The following AKAP13 variants were observed in gnomAD, a reference collection of about 807,000 sequenced individuals.
AKAP13 encodes the protein A-kinase anchor protein 13.
In AKAP13, 80 loss-of-function variants were observed where a neutral mutation model predicts 264.5. The ratio of observed to expected loss-of-function variants is 0.30; its 90% confidence interval spans 0.25 to 0.36. AKAP13 has a LOEUF of 0.36. AKAP13 is among the 10% of genes least tolerant of loss of function. The pLI is 1.00. For missense variants in AKAP13, 3,712 were observed against 3,435.2 expected (o/e 1.08, Z -2.01); for synonymous variants, 1,380 against 1,250.2 (o/e 1.10, Z -2.19).
In AKAP13 at chr15:85,690,194, G is replaced by A. The variant is rs1299912548; in HGVS notation, c.5290-3083G>A. 2.0e-5 allele frequency: 3 copies of A among 152,372 alleles called. No individual in the cohort carries two copies. The East Asian group carries it at 5.8e-4, about 29-fold the overall frequency. The allele number at this position is 152,372 out of a possible 1,614,324, so 9.4% of individuals were successfully genotyped here. ...TTGTTTTGTTTTGTTTCCATCCTGG[G>A]AAGAACTAATTTGGATTGTTGCAAA... On this transcript the variant is annotated intron_variant, in intron 16 of 36. Coordinates refer to ENST00000394518, the MANE Select transcript of AKAP13 (RefSeq NM_007200.5).
chr15:85,575,310 A>G lies in AKAP13; in HGVS notation c.842A>G (p.Asn281Ser). Residue 281 changes from asparagine to serine, a missense_variant, in exon 6 of 37, where the codon AAC becomes AGC. This residue lies in a region of AKAP13 where 2,759 missense variants were observed against 2,411.7 expected (regional missense o/e 1.14). Coordinates refer to ENST00000394518, the MANE Select transcript of AKAP13 (RefSeq NM_007200.5). ...ACTGGACCAATTTTTAAACTTATGA[A>G]CATCCAACAGCAACTAATGGTAAGT... ...GCTGPIFKLM[N>S]IQQQLMKTNL... is the part of the protein sequence containing the mutation. 1.2e-6 allele frequency: 2 copies of G among 1,614,100 alleles called. No homozygotes were observed. Among genetic ancestry groups the G allele is most frequent in the Non-Finnish European group, 1.7e-6 (2 of 1,180,008 alleles).
intron 1 of AKAP13, among the ~76,000 whole-genome samples, chr15:85,422,830 A>G (rs779020767): frequency 2.6e-4 from 39 of 152,248 alleles, no homozygotes; most frequent in Non-Finnish European, 7.3e-5. Context: ...TTGCATGGCC[A>G]GTATAGAAGT....
At chr15:85,540,111 A>G (rs1048732503) in intron 4 of AKAP13, among the ~76,000 whole-genome samples, 2 of 152,150 alleles carry the variant, frequency 1.3e-5, no homozygotes, top group African/African-American at 2.4e-5. Context: ...GTGAGGGCTA[A>G]TAAGTCCAAA....
chr15:85,525,311 G>A (rs2076995778), intron 3 of AKAP13, among the ~76,000 whole-genome samples: 1 of 152,076 alleles, frequency 6.6e-6, no homozygotes, highest in African/African-American at 2.4e-5. Flanking sequence ...ACCTGCCTTG[G>A]CCTCCCAAAG....
At chr15:85,411,880 T>C (rs2071988318) in intron 1 of AKAP13, among the ~76,000 whole-genome samples, 1 of 152,230 alleles carries the variant, frequency 6.6e-6, no homozygotes, top group African/African-American at 2.4e-5. Flanking sequence ...GTGGAGTCTT[T>C]GTTGCCAGTG....
intron 13 of AKAP13, 82 bp downstream of exon 13, chr15:85,664,837 G>C (rs761150279): frequency 7.7e-7 from 1 of 1,307,034 alleles, no homozygotes; most frequent in Non-Finnish European, 1.0e-6. Context: ...GGTAGTATAA[G>C]GCTAGTAGCT....
At chr15:85,527,804 T>C (rs62023882) in intron 3 of AKAP13, among the ~76,000 whole-genome samples, 5,574 of 152,254 alleles carry the variant, frequency 0.037, 140 homozygotes, top group Non-Finnish European at 0.053. Context: ...AGACTGAAAA[T>C]TTGTTTCCTT....
At chr15:85,508,826 C>T (rs952675522) in intron 2 of AKAP13, among the ~76,000 whole-genome samples, 16 of 152,152 alleles carry the variant, frequency 1.1e-4, no homozygotes, top group African/African-American at 3.6e-4. Context: ...TTCCCTTGCA[C>T]TCGATATATT....
chr15:85,552,747 C>T (rs980367402), intron 5 of AKAP13, among the ~76,000 whole-genome samples: 2 of 151,408 alleles, frequency 1.3e-5, no homozygotes, highest in Non-Finnish European at 2.9e-5. Context: ...TTTGCCTCAG[C>T]CTCCTGAGTG....
At chr15:85,393,642 C>G (rs1239818849) in intron 1 of AKAP13, among the ~76,000 whole-genome samples, 1 of 152,152 alleles carries the variant, frequency 6.6e-6, no homozygotes, top group South Asian at 2.1e-4. Context: ...TCTCTTAATT[C>G]CTTACAGTAA....
chr15:85,723,130 T>A lies in AKAP13; in HGVS notation c.6555T>A (p.Ile2185=). The A allele has an allele frequency of 6.2e-7, 1 of 1,614,168 alleles. No individual in the cohort carries two copies. The highest frequency in any genetic ancestry group is 1.1e-5 in the South Asian group (1 of 91,084). ...AQSLSLVKDV[I]GAVDSKVASY... ...CCTTGAGCCTGGTGAAGGATGTGAT[T>A]GGAGCTGTAGACAGCAAAGTGGCAA... is the stretch of plus-strand genomic sequence containing the variant. The change falls in exon 26 of 37, where the codon ATT becomes ATA. Residue 2185 remains isoleucine (I), a synonymous_variant. Coordinates refer to ENST00000394518, the MANE Select transcript of AKAP13 (RefSeq NM_007200.5).
Position 85,639,405 on chromosome 15 carries a change from C to G in AKAP13, c.4193C>G (p.Pro1398Arg). 1 of 1,612,786 alleles carries G rather than the reference C, an allele frequency of 6.2e-7. No homozygotes were observed. Among genetic ancestry groups the G allele is most frequent in the African/African-American group, 1.3e-5 (1 of 75,008 alleles). Residue 1398 changes from proline to arginine, a missense_variant, in exon 9 of 37, where the codon CCA becomes CGA. Coordinates refer to ENST00000394518, the MANE Select transcript of AKAP13 (RefSeq NM_007200.5). ...CGAGAAAACTGGTGTACAATAGAGCCATGCCCTGATGCAGCATCTCTTCTG... is the reference window on the plus strand; with the variant it reads ...CGAGAAAACTGGTGTACAATAGAGCGATGCCCTGATGCAGCATCTCTTCTG... ...INRENWCTIE[P>R]CPDAASLLAS...
intron 2 of AKAP13, among the ~76,000 whole-genome samples, chr15:85,518,702 G>A (rs2076697716): frequency 6.6e-6 from 1 of 152,120 alleles, no homozygotes; most frequent in Non-Finnish European, 1.5e-5. Flanking sequence ...GGTGGCGCAT[G>A]CCTGTTGTCC....
At chr15:85,610,487 A>C (rs2080557693) in intron 8 of AKAP13, among the ~76,000 whole-genome samples, 2 of 152,224 alleles carry the variant, frequency 1.3e-5, no homozygotes, top group African/African-American at 4.8e-5. Flanking sequence ...GTCGTGATGC[A>C]TGGAACTCAC....
At chr15:85,551,004 C>T (rs1353776927) in intron 5 of AKAP13, among the ~76,000 whole-genome samples, 1 of 152,226 alleles carries the variant, frequency 6.6e-6, no homozygotes, top group East Asian at 1.9e-4. Flanking sequence ...GAGGCTAAAG[C>T]AGCTTGTCCA....
At chr15:85,688,739 C>T (rs2085087064) in intron 16 of AKAP13, among the ~76,000 whole-genome samples, 1 of 152,098 alleles carries the variant, frequency 6.6e-6, no homozygotes, top group Non-Finnish European at 1.5e-5. Flanking sequence ...AAATTGAGTC[C>T]TTGATCCTAT....
intron 1 of AKAP13, among the ~76,000 whole-genome samples, chr15:85,386,183 TG>T (rs1306375793): frequency 6.6e-6 from 1 of 151,884 alleles, no homozygotes; most frequent in African/African-American, 2.4e-5. Context: ...TGATATCCAG[TG>T]TTTTTTTGTT....
At chr15:85,628,144 A>G (rs2081519739) in intron 8 of AKAP13, among the ~76,000 whole-genome samples, 1 of 152,180 alleles carries the variant, frequency 6.6e-6, no homozygotes, top group African/African-American at 2.4e-5. Context: ...TAGACTCATA[A>G]GGATGTATGT....
In AKAP13 at chr15:85,621,888, T is replaced by C. The variant is rs116120119; in HGVS notation, c.4162-17486T>C. 1.3e-3 allele frequency among the ~76,000 whole-genome samples: 191 copies of C among 152,364 alleles called. 1 individual carries two copies. Among genetic ancestry groups the C allele is most frequent in the African/African-American group, 4.4e-3 (184 of 41,586 alleles). On this transcript the variant is annotated intron_variant, in intron 8 of 36. Transcript: ENST00000394518. Reference sequence around the variant, plus strand: ...GCTAATAAAGGTGTTTGTCTTTGTGTATTTGTACTATCCTGCCCAATAAAT... The same window carrying C: ...GCTAATAAAGGTGTTTGTCTTTGTGCATTTGTACTATCCTGCCCAATAAAT...
Sources: gnomAD v4.1 joint callset for allele counts (sites outside exome capture counted in the v4.1 genomes callset) on GRCh38, gnomAD v4.1.1 for gene constraint, gnomAD v4.1.1 regional missense constraint, MANE v1.5 for transcripts, NCBI Gene and HGNC (gene_info 2026-07-23, HGNC 2026-07-21) for gene names.